Variants in CPED1 observed in about 807,000 individuals in gnomAD.
CPED1 encodes the protein cadherin-like and PC-esterase domain-containing protein 1.
A neutral mutation model predicts 128.2 loss-of-function variants in CPED1; 114 were observed. That is an observed-to-expected ratio of 0.89 (90% CI 0.76 to 1.04). CPED1 has a LOEUF of 1.04. CPED1 is among the 50% of genes least tolerant of loss of function. The pLI is 0.00. For missense variants in CPED1, 1,211 were observed against 1,207.1 expected (o/e 1.00, Z -0.05); for synonymous variants, 462 against 426.7 (o/e 1.08, Z -1.02).
Position 121,124,474 on chromosome 7 carries a change from G to A in CPED1, c.1061+1G>A. On this transcript the variant is annotated splice_donor_variant, in intron 8 of 22. Coordinates refer to ENST00000310396, the MANE Select transcript of CPED1 (RefSeq NM_024913.5). LOFTEE classifies it high-confidence loss of function. ...CTCTGGGACCAAAGACCTTCCATAG[G>A]TAAAAAACAAATTTTAATTTAAAAA... 1.4e-6 allele frequency: 2 copies of A among 1,439,970 alleles called. No individual in the cohort carries two copies. Among genetic ancestry groups the A allele is most frequent in the South Asian group, 1.6e-5 (1 of 63,608 alleles). 89.2% of individuals were successfully genotyped at this position (1,439,970 alleles called of 1,614,324 possible). A position where few individuals can be genotyped will look rare whatever the true frequency, so the allele number is the denominator to read the frequency against.
At chr7:121,175,801 A>T (rs1796761928) in intron 16 of CPED1, among the ~76,000 whole-genome samples, 1 of 152,062 alleles carries the variant, frequency 6.6e-6, no homozygotes. Flanking sequence ...CTGTTGACCC[A>T]CTGTAAGAAA....
intron 2 of CPED1, among the ~76,000 whole-genome samples, chr7:121,005,402 C>CT (rs1386040733): frequency 1.3e-5 from 2 of 148,268 alleles, no homozygotes; most frequent in African/African-American, 2.5e-5. Flanking sequence ...GTGCATGTGT[C>CT]TTTTTAGTAG....
At chr7:121,025,701 T>C (rs1320327678) in intron 3 of CPED1, among the ~76,000 whole-genome samples, 1 of 152,160 alleles carries the variant, frequency 6.6e-6, no homozygotes, top group African/African-American at 2.4e-5. Flanking sequence ...TCTCCAAATA[T>C]GGACATTCTC....
At chr7:121,110,802 A>G (rs1795090636) in intron 7 of CPED1, among the ~76,000 whole-genome samples, 1 of 152,152 alleles carries the variant, frequency 6.6e-6, no homozygotes, top group African/African-American at 2.4e-5. Context: ...CTTTGTGGAG[A>G]ACAGATTGAA....
intron 4 of CPED1, among the ~76,000 whole-genome samples, chr7:121,054,667 G>GTT (rs34569288): frequency 0.65 from 95,694 of 147,318 alleles, 33,535 homozygotes; most frequent in Admixed American, 0.8. Context: ...CAGGGTTGAG[G>GTT]TTTTTTTTTT....
At chr7:121,092,089 G>A (rs2116190373) in intron 5 of CPED1, among the ~76,000 whole-genome samples, 1 of 152,218 alleles carries the variant, frequency 6.6e-6, no homozygotes, top group South Asian at 2.1e-4. Flanking sequence ...CTCATTGTGG[G>A]TTCCAGGGGG....
Position 121,252,247 on chromosome 7 carries a change from A to C in CPED1, c.2310+7909A>C, listed in dbSNP as rs565630520. Among the ~76,000 whole-genome samples the C allele has an allele frequency of 4.6e-4, 70 of 151,938 alleles. 3 individuals are homozygous for C. The highest frequency in any genetic ancestry group is 4.5e-3 in the Admixed American group (69 of 15,270). On this transcript the variant is annotated intron_variant, in intron 18 of 22. Coordinates refer to ENST00000310396, the MANE Select transcript of CPED1 (RefSeq NM_024913.5). ...CCTATTTAATAAATGATACTGGGAAAACTGGCTAGCCATATGTAGAAAGCT... is the reference window on the plus strand; with the variant it reads ...CCTATTTAATAAATGATACTGGGAACACTGGCTAGCCATATGTAGAAAGCT...
At chr7:121,055,164 C>A (rs12706308) in intron 4 of CPED1, among the ~76,000 whole-genome samples, 104,579 of 151,718 alleles carry the variant, frequency 0.69, 37,645 homozygotes, top group Admixed American at 0.82. Flanking sequence ...TGCCATAAAC[C>A]TTTGCATAGA....
At chr7:121,047,686 T>TTCCTCTTCCTCC (rs1793240689) in intron 4 of CPED1, among the ~76,000 whole-genome samples, 1 of 100,848 alleles carries the variant, frequency 9.9e-6, no homozygotes, top group African/African-American at 5.2e-5. Context: ...CTTCTTCTTC[T>TTCCTCTTCCTCC]TCTTCTTCTT....
intron 21 of CPED1, among the ~76,000 whole-genome samples, chr7:121,269,448 G>A (rs1282018841): frequency 6.6e-6 from 1 of 152,050 alleles, no homozygotes; most frequent in Non-Finnish European, 1.5e-5. Flanking sequence ...GAATAGTGCT[G>A]TGATGAACAT....
At chr7:121,004,654 GTAGA>G (rs998474984) in intron 2 of CPED1, among the ~76,000 whole-genome samples, 2 of 152,170 alleles carry the variant, frequency 1.3e-5, no homozygotes, top group African/African-American at 2.4e-5. Flanking sequence ...GGTTGGGAAA[GTAGA>G]TAGAGAAGAA....
Position 121,125,902 on chromosome 7 carries a change from C to T in CPED1, c.1134+10C>T, listed in dbSNP as rs1399086677. ...CCCTGTAGTGCTCCAGGTCAGTATG[C>T]CAAAGGCCTCATGTGAGCTTCTACC... On this transcript the variant is annotated intron_variant, in intron 9 of 22. Transcript: ENST00000310396. The T allele has an allele frequency of 6.4e-7, 1 of 1,571,532 alleles. No individual in the cohort carries two copies. Among genetic ancestry groups the T allele is most frequent in the African/African-American group, 1.3e-5 (1 of 74,212 alleles).
intron 21 of CPED1, among the ~76,000 whole-genome samples, chr7:121,268,049 C>T (rs1792165417): frequency 6.6e-6 from 1 of 152,052 alleles, no homozygotes; most frequent in African/African-American, 2.4e-5. Context: ...GGCCAAGTTA[C>T]ATCCTCTAAA....
intron 18 of CPED1, among the ~76,000 whole-genome samples, chr7:121,262,149 T>A (rs1176995393): frequency 6.6e-6 from 1 of 152,060 alleles, no homozygotes; most frequent in Non-Finnish European, 1.5e-5. Flanking sequence ...CTCCCTCTCT[T>A]GCCCTGTGAC....
At chr7:121,147,563 C>T (rs533438536) in intron 16 of CPED1, among the ~76,000 whole-genome samples, 21 of 152,078 alleles carry the variant, frequency 1.4e-4, no homozygotes, top group Middle Eastern at 3.4e-3. Flanking sequence ...TTTTAATACC[C>T]CTTTCCATAT....
Position 121,271,342 on chromosome 7 carries a change from A to T in CPED1, c.2780A>T (p.His927Leu). The T allele has an allele frequency of 6.2e-7, 1 of 1,612,544 alleles. No individual in the cohort carries two copies. The highest frequency in any genetic ancestry group is 8.5e-7 in the Non-Finnish European group (1 of 1,178,884). ...NLIILDTAKK[H>L]GYEVVDTFTI... ...ATTATTCTGGATACTGCAAAAAAAC[A>T]TGGCTATGAAGTAGTTGACACATTC... Residue 927 changes from histidine (H) to leucine (L), a missense_variant, in exon 22 of 23, where the codon CAT becomes CTT. Coordinates refer to ENST00000310396, the MANE Select transcript of CPED1 (RefSeq NM_024913.5).
chr7:121,262,407 C>T (rs118002015), intron 18 of CPED1, among the ~76,000 whole-genome samples: 1,863 of 152,152 alleles, frequency 0.012, 13 homozygotes, highest in South Asian at 0.032. Flanking sequence ...TTAAGTCCTA[C>T]AGTTCATGAT....
chr7:121,261,853 G>A, intron 18 of CPED1: 2 of 793,596 alleles, frequency 2.5e-6, no homozygotes, highest in Non-Finnish European at 4.0e-6. Context: ...ACCTAATACA[G>A]GGACTATGCA....
intron 16 of CPED1, among the ~76,000 whole-genome samples, chr7:121,157,084 A>C (rs189347465): frequency 1.4e-4 from 22 of 152,350 alleles, no homozygotes; most frequent in African/African-American, 5.1e-4. Flanking sequence ...TTCAAACGTT[A>C]TACTTGGATT....
Sources: allele counts gnomAD v4.1 joint callset (sites outside exome capture counted in the v4.1 genomes callset), GRCh38; gene constraint gnomAD v4.1.1; transcripts MANE v1.5; gene names NCBI Gene and HGNC (gene_info 2026-07-23, HGNC 2026-07-21).